The following AK4 variants were observed in gnomAD, a reference collection of about 807,000 sequenced individuals.
AK4 encodes adenylate kinase 4.
In AK4, 13 loss-of-function variants were observed where a neutral mutation model predicts 24.6. The observed-to-expected ratio is 0.53, with a 90% CI of 0.34 to 0.84. AK4 has a LOEUF of 0.84. AK4 is among the 40% of genes least tolerant of loss of function. AK4 has a pLI of 0.01. For synonymous variants in AK4, 88 were observed against 107.0 expected, an observed-to-expected ratio of 0.82 and a Z score of 1.10; for missense variants, 192 against 288.2, an observed-to-expected ratio of 0.67 and a Z score of 2.42.
chr1:65,171,023 T>C (rs1326240889), intron 1 of AK4, among the ~76,000 whole-genome samples: 12 of 147,484 alleles, frequency 8.1e-5, no homozygotes, highest in African/African-American at 3.0e-4. Flanking sequence ...AGTGGCACGA[T>C]CATGGCTTAC....
intron 1 of AK4, among the ~76,000 whole-genome samples, chr1:65,188,349 C>T (rs1651172409): frequency 6.6e-6 from 1 of 150,958 alleles, no homozygotes; most frequent in Admixed American, 6.6e-5. Context: ...GAGCAGAGAT[C>T]ACACTACTGC....
intron 2 of AK4, among the ~76,000 whole-genome samples, chr1:65,195,923 A>C (rs993551281): frequency 6.6e-6 from 1 of 152,172 alleles, no homozygotes; most frequent in Non-Finnish European, 1.5e-5. Context: ...TGCTTTTGCC[A>C]TGACTTCCTC....
chr1:65,207,982 A>G (rs1476354694), intron 2 of AK4, among the ~76,000 whole-genome samples: 2 of 152,140 alleles, frequency 1.3e-5, no homozygotes, highest in Non-Finnish European at 2.9e-5. Context: ...TGTTTTTGCT[A>G]TGGTGAATAG....
At chr1:65,162,509 A>G (rs1222699197) in intron 1 of AK4, among the ~76,000 whole-genome samples, 1 of 152,126 alleles carries the variant, frequency 6.6e-6, no homozygotes, top group Non-Finnish European at 1.5e-5. Flanking sequence ...AGCTATACTG[A>G]ATATAAAATT....
chr1:65,209,910 C>T (rs982932652), intron 2 of AK4, among the ~76,000 whole-genome samples: 9 of 152,024 alleles, frequency 5.9e-5, no homozygotes, highest in African/African-American at 1.4e-4. Flanking sequence ...TGGACTCAAG[C>T]GATCCTCCTG....
intron 2 of AK4, among the ~76,000 whole-genome samples, chr1:65,217,757 T>C (rs2101083002): frequency 6.6e-6 from 1 of 152,336 alleles, no homozygotes; most frequent in Non-Finnish European, 1.5e-5. Context: ...ATTTTAATTT[T>C]GTTATTTCCA....
chr1:65,154,535 G>A (rs929363634), intron 1 of AK4: 4 of 525,948 alleles, frequency 7.6e-6, no homozygotes, highest in Admixed American at 3.9e-5. Context: ...CAGGGTTCTC[G>A]CTCTTGTCGC....
rs1387784952 is a variant in AK4 at position 65,148,423 on chromosome 1, C to T, written c.16C>T (p.Leu6=). 9 of 1,551,834 alleles carry T rather than the reference C, an allele frequency of 5.8e-6. No homozygotes were observed. The highest frequency in any genetic ancestry group is 4.7e-5 in the South Asian group (4 of 84,436). The stretch of plus-strand genomic sequence containing the variant: ...CGCGAAGGCAATGGCTTCCAAACTC[C>T]TGCGCGCGGTCATCCTCGGGCCGCC... MASKL[L]RAVILGPPGS... is the part of the protein sequence containing the mutation. The change falls in exon 1 of 5, where the codon CTG becomes TTG. Residue 6 remains leucine, a synonymous_variant. Transcript: ENST00000327299.
At chr1:65,222,784 A>G (rs1052026717) in intron 3 of AK4, among the ~76,000 whole-genome samples, 1 of 152,162 alleles carries the variant, frequency 6.6e-6, no homozygotes, top group Non-Finnish European at 1.5e-5. Flanking sequence ...GTGCATTTCA[A>G]ATTTATAGCC....
At chr1:65,183,672 TGTG>T (rs1650989535) in intron 1 of AK4, among the ~76,000 whole-genome samples, 3 of 151,716 alleles carry the variant, frequency 2.0e-5, no homozygotes, top group Non-Finnish European at 2.9e-5. Flanking sequence ...TGTGTGTGTG[TGTG>T]TGTGTGTGTG....
At chr1:65,215,044 C>T (rs1406916489) in intron 2 of AK4, among the ~76,000 whole-genome samples, 1 of 152,122 alleles carries the variant, frequency 6.6e-6, no homozygotes, top group African/African-American at 2.4e-5. Context: ...CGTCATGAAT[C>T]GGGGTAAATA....
chr1:65,173,818 G>T (rs1428032902), intron 1 of AK4, among the ~76,000 whole-genome samples: 1 of 151,768 alleles, frequency 6.6e-6, no homozygotes. Context: ...AGGCATAATT[G>T]TGCCACTGTA....
At chr1:65,148,199 G>C, upstream of AK4, 2 of 1,083,734 alleles carry the variant, frequency 1.8e-6, no homozygotes, top group South Asian at 1.8e-5. Flanking sequence ...GTAGCGTGGC[G>C]CTCAGTCCGC....
At chr1:65,156,857 C>T (rs1273032206) in intron 1 of AK4, among the ~76,000 whole-genome samples, 1 of 147,206 alleles carries the variant, frequency 6.8e-6, no homozygotes, top group Non-Finnish European at 1.5e-5. Flanking sequence ...ACCCGGGAGG[C>T]GGAGGTTGCA....
intron 1 of AK4, among the ~76,000 whole-genome samples, chr1:65,170,385 C>A (rs529727453): frequency 0.012 from 1,629 of 131,942 alleles, 27 homozygotes; most frequent in African/African-American, 0.04. Flanking sequence ...CACACACACA[C>A]ACAAAAAAAA....
At chr1:65,206,838 G>A (rs1487146041) in intron 2 of AK4, among the ~76,000 whole-genome samples, 1 of 152,202 alleles carries the variant, frequency 6.6e-6, no homozygotes, top group Non-Finnish European at 1.5e-5. Flanking sequence ...TAAGCAAGGG[G>A]TTTGTAGATG....
chr1:65,207,573 C>G lies in AK4; in HGVS notation c.266-11181C>G, dbSNP rs535589519. Among the ~76,000 whole-genome samples, 3 of 133,956 alleles carry G rather than the reference C, an allele frequency of 2.2e-5. No homozygotes were observed. In the Admixed American group the frequency reaches 2.3e-4, roughly 10 times the overall value. 87.9% of individuals were successfully genotyped at this position (133,956 alleles called of 152,430 possible). ...TGCTGTTTTTTTTTTTTTTTTCCTT[C>G]TACTTTCATTTTAGGTTTAGGGGAT... On this transcript the variant is annotated intron_variant, in intron 2 of 4. Coordinates refer to ENST00000327299, the MANE Select transcript of AK4 (RefSeq NM_013410.4).
At chr1:65,172,893 C>T (rs1259842502) in intron 1 of AK4, among the ~76,000 whole-genome samples, 1 of 130,860 alleles carries the variant, frequency 7.6e-6, no homozygotes, top group Admixed American at 9.4e-5. Context: ...TACGAACTCT[C>T]GCTCTGTTGC....
intron 1 of AK4, among the ~76,000 whole-genome samples, chr1:65,158,167 A>G (rs1235106379): frequency 6.6e-6 from 1 of 152,170 alleles, no homozygotes; most frequent in Non-Finnish European, 1.5e-5. Flanking sequence ...ACATACACAT[A>G]GTGGCATTGT....
Sources: gnomAD v4.1 joint callset for allele counts (sites outside exome capture counted in the v4.1 genomes callset) on GRCh38, gnomAD v4.1.1 for gene constraint, MANE v1.5 for transcripts, NCBI Gene and HGNC (gene_info 2026-07-23, HGNC 2026-07-21) for gene names.